The following PSME4 variants were observed in gnomAD, a reference collection of about 807,000 sequenced individuals.
The protein encoded by PSME4 is proteasome activator complex subunit 4.
Under a neutral mutation model 253.9 loss-of-function variants are expected in PSME4, and 89 were observed. That is an observed-to-expected ratio of 0.35 (90% confidence interval 0.30 to 0.42). The LOEUF (loss-of-function observed/expected upper bound fraction) is 0.42. Among genes scored for constraint, PSME4 ranks in the 10% least tolerant of loss-of-function variants. The pLI, the probability that PSME4 is intolerant of heterozygous loss-of-function variation, is 1.00. For missense variants in PSME4, 2,014 were observed against 2,195.2 expected, an observed-to-expected ratio of 0.92 and a Z score of 1.65; for synonymous variants, 851 against 759.2, an observed-to-expected ratio of 1.12 and a Z score of -1.99.
intron 10 of PSME4, among the ~76,000 whole-genome samples, chr2:53,930,314 A>C (rs975239845): frequency 1.3e-5 from 2 of 152,158 alleles, no homozygotes; most frequent in African/African-American, 4.8e-5. Flanking sequence ...GAAAATAACA[A>C]AGCAAAGGGG....
At chr2:53,928,362 T>C in intron 10 of PSME4, 59 bp from the exon 11 acceptor site, 2 of 1,275,304 alleles carry the variant, frequency 1.6e-6, no homozygotes, top group Non-Finnish European at 2.2e-6. Context: ...AATACCATAA[T>C]ACATTAAATA....
Position 53,893,066 on chromosome 2 carries a change from C to T in PSME4, c.4039-106G>A, listed in dbSNP as rs538223546. On this transcript the variant is annotated intron_variant, in intron 35 of 46. Coordinates refer to ENST00000404125, the MANE Select transcript of PSME4 (RefSeq NM_014614.3). Reference sequence around the variant, plus strand: ...TACTAACGTGCTTAAAAGCTCCAAGCACACTCCCCTTTAGAACTGCTTTAA... The same window carrying T: ...TACTAACGTGCTTAAAAGCTCCAAGTACACTCCCCTTTAGAACTGCTTTAA... 1.8e-4 allele frequency: 183 copies of T among 1,003,708 alleles called. 4 individuals carry two copies. In the South Asian group the frequency reaches 2.3e-3, roughly 12 times the overall value. The allele number at this position is 1,003,708 out of a possible 1,614,324, so 62.2% of individuals were successfully genotyped here.
chr2:53,874,943 A>G (rs973525936), intron 42 of PSME4, among the ~76,000 whole-genome samples: 3 of 152,228 alleles, frequency 2.0e-5, no homozygotes, highest in African/African-American at 7.2e-5. Flanking sequence ...ACTCTGTCTC[A>G]AAAACAATAA....
chr2:53,913,509 C>G (rs1008534370), intron 20 of PSME4, among the ~76,000 whole-genome samples: 1 of 152,128 alleles, frequency 6.6e-6, no homozygotes, highest in African/African-American at 2.4e-5. Context: ...GAAAGAACAT[C>G]CTATCTTCCC....
intron 1 of PSME4, among the ~76,000 whole-genome samples, chr2:53,952,445 G>T (rs2104479522): frequency 6.6e-6 from 1 of 152,320 alleles, no homozygotes; most frequent in East Asian, 1.9e-4. Flanking sequence ...GGGAGGCTGA[G>T]GCAGGAGAAT....
chr2:53,905,370 G>T (rs1680606437), intron 26 of PSME4, among the ~76,000 whole-genome samples: 1 of 151,936 alleles, frequency 6.6e-6, no homozygotes, highest in South Asian at 2.1e-4. Flanking sequence ...GAATCTCTGA[G>T]CTAGAGATTA....
intron 3 of PSME4, among the ~76,000 whole-genome samples, chr2:53,944,233 A>T (rs1016927034): frequency 5.9e-5 from 9 of 151,924 alleles, no homozygotes; most frequent in Non-Finnish European, 1.3e-4. Flanking sequence ...ATCTTGGCTC[A>T]TTGCAGCCTC....
At position 53,869,358 on chromosome 2, in the gene PSME4, T is replaced by G; in HGVS notation, c.5263+18A>C. ...TAATTCCCAATAGGATACAGGTGTT[T>G]CCTACCAGCAATGTTACCTGCAGAA... is the stretch of plus-strand genomic sequence containing the variant. On this transcript the variant is annotated intron_variant, in intron 44 of 46. Coordinates refer to ENST00000404125, the MANE Select transcript of PSME4 (RefSeq NM_014614.3). 6.3e-7 allele frequency: 1 copy of G among 1,590,666 alleles called. No homozygotes were observed. The highest frequency in any genetic ancestry group is 8.6e-7 in the Non-Finnish European group (1 of 1,162,544).
intron 45 of PSME4, 62 bp from the exon 46 acceptor site, chr2:53,866,285 A>G: frequency 6.4e-7 from 1 of 1,552,214 alleles, no homozygotes; most frequent in Non-Finnish European, 8.8e-7. Flanking sequence ...CATATGTAGG[A>G]TACTTTTAGT....
At chr2:53,923,273 A>G in intron 15 of PSME4, 48 bp downstream of exon 15, 1 of 1,543,926 alleles carries the variant, frequency 6.5e-7, no homozygotes, top group Non-Finnish European at 8.8e-7. Flanking sequence ...CATATAAACT[A>G]GTTGATTGTT....
chr2:53,952,768 C>T (rs1221881037), intron 1 of PSME4, among the ~76,000 whole-genome samples: 1 of 152,182 alleles, frequency 6.6e-6, no homozygotes, highest in Non-Finnish European at 1.5e-5. Context: ...AACATCATGG[C>T]TAATCTGACA....
chr2:53,925,397 A>G (rs1668519892), intron 14 of PSME4, 142 bp downstream of exon 14: 7 of 820,318 alleles, frequency 8.5e-6, no homozygotes, highest in Non-Finnish European at 1.2e-5. Flanking sequence ...GCAAATAATG[A>G]GCAACTGTAC....
At chr2:53,922,942 A>T (rs3213774) in intron 16 of PSME4, 107 bp downstream of exon 16, 46,630 of 971,022 alleles carry the variant, frequency 0.048, 2,372 homozygotes, top group East Asian at 0.25. Flanking sequence ...ATTGCCAATC[A>T]AAATATTGTG....
At position 53,903,730 on chromosome 2, in the gene PSME4, A is replaced by G. The variant is rs374647315; in HGVS notation, c.3075+295T>C. Among the ~76,000 whole-genome samples, 177 of 152,326 alleles carry G rather than the reference A, an allele frequency of 1.2e-3. 2 individuals are homozygous for G. Among genetic ancestry groups the G allele is most frequent in the African/African-American group, 4.2e-3 (174 of 41,578 alleles). ...TTTTCCTCAGGAAAGTCTGCTTCTTATATTTTCTTCATCATAATACTGATC... is the reference window on the plus strand; with the variant it reads ...TTTTCCTCAGGAAAGTCTGCTTCTTGTATTTTCTTCATCATAATACTGATC... On this transcript the variant is annotated intron_variant, in intron 27 of 46. Coordinates refer to ENST00000404125, the MANE Select transcript of PSME4 (RefSeq NM_014614.3).
Position 53,887,891 on chromosome 2 carries a change from T to C in PSME4, c.4487A>G (p.Gln1496Arg). ...LLKYLEPKLTQVYKNVRERIG... is the reference protein window; with the variant it reads ...LLKYLEPKLTRVYKNVRERIG... ...TCTTTCTCTGACATTTTTGTAAACC[T>C]GGGTGAGTTTGGGTTCCAAGTACTT... The change falls in exon 39 of 47, where the codon CAG (glutamine) becomes CGG (arginine). Residue 1496 changes from glutamine (Q) to arginine (R), a missense_variant. This residue lies in a region of PSME4 where 403 missense variants were observed against 556.1 expected (regional missense o/e 0.72). Coordinates refer to ENST00000404125, the MANE Select transcript of PSME4 (RefSeq NM_014614.3). The C allele has an allele frequency of 6.2e-7, 1 of 1,602,064 alleles. No homozygotes were observed. The highest frequency in any genetic ancestry group is 8.6e-7 in the Non-Finnish European group (1 of 1,169,212).
chr2:53,873,096 C>T (rs1678963351), intron 43 of PSME4, among the ~76,000 whole-genome samples: 1 of 151,668 alleles, frequency 6.6e-6, no homozygotes. Context: ...AAAAATTAGC[C>T]AGGCATGGTG....
intron 3 of PSME4, among the ~76,000 whole-genome samples, chr2:53,945,832 G>A (rs1669674631): frequency 6.6e-6 from 1 of 152,150 alleles, no homozygotes; most frequent in Admixed American, 6.5e-5. Context: ...TATCTAAGAA[G>A]AAAAAACTCA....
intron 1 of PSME4, among the ~76,000 whole-genome samples, chr2:53,963,356 G>C (rs914982093): frequency 1.7e-4 from 26 of 151,974 alleles, no homozygotes; most frequent in Admixed American, 1.6e-3. Context: ...AAAAAAGAAA[G>C]AGCGCACTGA....
chr2:53,868,546 T>A (rs1241024814), intron 44 of PSME4, among the ~76,000 whole-genome samples: 1 of 52,656 alleles, frequency 1.9e-5, no homozygotes, highest in Non-Finnish European at 3.9e-5. Flanking sequence ...ATATTATAAA[T>A]ATATTTATAA....
Sources: allele counts gnomAD v4.1 joint callset (sites outside exome capture counted in the v4.1 genomes callset), GRCh38; gene constraint gnomAD v4.1.1; regional missense constraint gnomAD v4.1.1; transcripts MANE v1.5; gene names NCBI Gene and HGNC (gene_info 2026-07-23, HGNC 2026-07-21).